The following C2CD3 variants were observed in gnomAD, a reference collection of about 807,000 sequenced individuals.
C2CD3 encodes the protein C2 domain-containing protein 3.
In C2CD3, 148 loss-of-function variants were observed where a neutral mutation model predicts 234.0. The observed-to-expected ratio is 0.63, with a 90% CI of 0.55 to 0.72. The LOEUF is 0.72. C2CD3 is among the 30% of genes least tolerant of loss of function. The pLI, the probability that C2CD3 is intolerant of heterozygous loss-of-function variation, is 0.00. For missense variants in C2CD3, 2,577 were observed against 2,811.5 expected (o/e 0.92, Z 1.89); for synonymous variants, 1,000 against 1,035.4 (o/e 0.97, Z 0.66).
At chr11:74,096,421 G>C (rs1956110214) in intron 16 of C2CD3, among the ~76,000 whole-genome samples, 1 of 151,982 alleles carries the variant, frequency 6.6e-6, no homozygotes, top group Non-Finnish European at 1.5e-5. Flanking sequence ...AGCAATACCT[G>C]CTCAAAAATT....
chr11:74,048,076 C>A, intron 28 of C2CD3, 129 bp downstream of exon 28: 1 of 1,005,768 alleles, frequency 9.9e-7, no homozygotes, highest in Non-Finnish European at 1.4e-6. Context: ...GGAGTTGTGA[C>A]AGAAGATCAA....
chr11:74,122,940 T>C, intron 8 of C2CD3, 48 bp downstream of exon 8: 1 of 1,325,958 alleles, frequency 7.5e-7, no homozygotes, highest in East Asian at 2.4e-5. Context: ...CTAATATTAT[T>C]AATACATTTG....
At chr11:74,127,298 C>T (rs976036438) in intron 7 of C2CD3, among the ~76,000 whole-genome samples, 2 of 152,212 alleles carry the variant, frequency 1.3e-5, no homozygotes, top group African/African-American at 4.8e-5. Flanking sequence ...ACACTGCGCC[C>T]GGCCTGGCTT....
Position 74,103,473 on chromosome 11 carries a change from T to C in C2CD3, c.2238A>G (p.Pro746=), listed in dbSNP as rs779771981. 17 of 1,614,106 alleles carry C rather than the reference T, an allele frequency of 1.1e-5. No individual in the cohort carries two copies. In the South Asian group the frequency reaches 1.9e-4, roughly 18 times the overall value. ...CCTCATGAATTTGGTTTAAGTTTTG[T>C]GGATTTTTGGTACAGGTCATATCTT... ...LNQDMTCTKN[P]QNLNQIHEET... Residue 746 remains proline, a synonymous_variant, in exon 14 of 33, where the codon CCA becomes CCG. Transcript: ENST00000334126.
chr11:74,029,916 T>C (rs1952457101), intron 31 of C2CD3, among the ~76,000 whole-genome samples: 1 of 151,928 alleles, frequency 6.6e-6, no homozygotes, highest in Admixed American at 6.5e-5. Context: ...CCACCATGCC[T>C]GGCTAATTTT....
At chr11:74,140,888 T>G (rs189637418) in intron 3 of C2CD3, among the ~76,000 whole-genome samples, 1 of 152,308 alleles carries the variant, frequency 6.6e-6, no homozygotes. Context: ...CTCCTTCCTG[T>G]GAGTTCAAGT....
intron 24 of C2CD3, among the ~76,000 whole-genome samples, chr11:74,071,622 G>T (rs1954795721): frequency 6.6e-6 from 1 of 152,154 alleles, no homozygotes. Context: ...GGATTAAAGG[G>T]GATACAGGGA....
At chr11:74,159,984 TTTTC>T (rs1856341493) in intron 3 of C2CD3, among the ~76,000 whole-genome samples, 1 of 152,220 alleles carries the variant, frequency 6.6e-6, no homozygotes, top group Admixed American at 6.5e-5. Flanking sequence ...TTTATGTACT[TTTTC>T]TTTGTTTAGA....
chr11:74,111,870 C>G (rs1231314579), intron 11 of C2CD3, among the ~76,000 whole-genome samples: 1 of 149,296 alleles, frequency 6.7e-6, no homozygotes, highest in Non-Finnish European at 1.5e-5. Flanking sequence ...CCAACGTGGC[C>G]CATGGAAGCC....
At position 74,013,388 on chromosome 11, in the gene C2CD3, G is replaced by A; in HGVS notation, c.7059C>T (p.Asp2353=). 1 of 1,069,066 alleles carries A rather than the reference G, an allele frequency of 9.4e-7. No homozygotes were observed. Among genetic ancestry groups the A allele is most frequent in the Non-Finnish European group, 1.3e-6 (1 of 795,212 alleles). 66.2% of individuals were successfully genotyped at this position (1,069,066 alleles called of 1,614,324 possible). ...RIFSSQYSQK[D] ...CCCCCCAGCCCCTCAGGCTGCGTCA[G>A]TCTTTCTGGGAGTACTGAGAAGAAA... Residue 2353 remains aspartate (D), a synonymous_variant, in exon 33 of 33, where the codon GAC becomes GAT. Coordinates refer to ENST00000334126, the MANE Select transcript of C2CD3 (RefSeq NM_001286577.2).
At chr11:74,157,475 C>T (rs1813716127) in intron 3 of C2CD3, among the ~76,000 whole-genome samples, 1 of 152,034 alleles carries the variant, frequency 6.6e-6, no homozygotes, top group African/African-American at 2.4e-5. Context: ...ACTATTTTAA[C>T]ATTTAATATA....
intron 24 of C2CD3, among the ~76,000 whole-genome samples, chr11:74,068,875 G>C (rs568394547): frequency 6.6e-6 from 1 of 152,174 alleles, no homozygotes; most frequent in East Asian, 1.9e-4. Flanking sequence ...GCACGATCTC[G>C]GCTCACTGCA....
chr11:74,054,631 C>G lies in C2CD3; in HGVS notation c.5131G>C (p.Val1711Leu), dbSNP rs1337492164. 1 of 1,611,364 alleles carries G rather than the reference C, an allele frequency of 6.2e-7. No individual in the cohort carries two copies. The highest frequency in any genetic ancestry group is 8.5e-7 in the Non-Finnish European group (1 of 1,178,770). ...ELLLDPQQTL[V>L]FKVWHKGDEE... ...CCTCCTTTATGCCAAACTTTGAAGA[C>G]CAGGGTTTGTTGTGGGTCCAGAAGC... Residue 1711 changes from valine to leucine, a missense_variant, in exon 26 of 33, where the codon GTC becomes CTC. Physicochemically the swap from Val to Leu is conservative, Grantham distance 32 (BLOSUM62 1). Transcript: ENST00000334126.
At chr11:74,056,700 A>T (rs1953964141) in intron 25 of C2CD3, among the ~76,000 whole-genome samples, 1 of 152,198 alleles carries the variant, frequency 6.6e-6, no homozygotes. Context: ...CAAGGATGAA[A>T]ATCCACAGCC....
chr11:74,164,252 CAAAGACAGGTAA>C (rs1856661968), intron 2 of C2CD3: 1 of 963,628 alleles, frequency 1.0e-6, no homozygotes, highest in Non-Finnish European at 1.2e-6. Flanking sequence ...CCTATCTGAT[CAAAGACAGGTAA>C]AAATCACGTA....
At chr11:74,021,696 T>C (rs566550339) in intron 32 of C2CD3, among the ~76,000 whole-genome samples, 1 of 152,320 alleles carries the variant, frequency 6.6e-6, no homozygotes, top group African/African-American at 2.4e-5. Flanking sequence ...TTTTGGGGTT[T>C]TGACAGGCTT....
intron 29 of C2CD3, among the ~76,000 whole-genome samples, chr11:74,041,249 G>A (rs1051645965): frequency 2.0e-5 from 3 of 152,064 alleles, no homozygotes; most frequent in Non-Finnish European, 1.5e-5. Flanking sequence ...CCTTCATGAT[G>A]TGACTCTTAA....
At chr11:74,090,349 T>C (rs1428712923) in intron 20 of C2CD3, among the ~76,000 whole-genome samples, 1 of 152,012 alleles carries the variant, frequency 6.6e-6, no homozygotes, top group African/African-American at 2.4e-5. Flanking sequence ...ACCAACACAG[T>C]AATGAGGATC....
chr11:74,073,690 A>C (rs1362681538), intron 24 of C2CD3, among the ~76,000 whole-genome samples: 2 of 152,172 alleles, frequency 1.3e-5, no homozygotes, highest in Non-Finnish European at 2.9e-5. Context: ...ATCTGCAATA[A>C]TGATGTGATA....
Sources: gnomAD v4.1 joint callset for allele counts (sites outside exome capture counted in the v4.1 genomes callset) on GRCh38, gnomAD v4.1.1 for gene constraint, MANE v1.5 for transcripts, NCBI Gene and HGNC (gene_info 2026-07-23, HGNC 2026-07-21) for gene names.